PTDSS2: variants seen among roughly 807,000 people sequenced by gnomAD.
The protein encoded by PTDSS2 is PSS-2.
A neutral mutation model predicts 64.7 loss-of-function variants in PTDSS2; 41 were observed. The observed-to-expected ratio is 0.63, with a 90% CI of 0.49 to 0.82. The LOEUF (loss-of-function observed/expected upper bound fraction) is 0.82. Among genes scored for constraint, PTDSS2 ranks in the 40% least tolerant of loss-of-function variants. The probability of loss-of-function intolerance (pLI) is 0.00; values close to 1 mark genes in which losing one functional copy is unlikely to be tolerated. For missense variants in PTDSS2, 485 were observed against 650.0 expected, an observed-to-expected ratio of 0.75 and a Z score of 2.76; for synonymous variants, 297 against 277.8, an observed-to-expected ratio of 1.07 and a Z score of -0.69.
rs1848647031 is a variant in PTDSS2, at chr11:490,798, A to G, written c.*216A>G. 1.2e-5 allele frequency: 7 copies of G among 578,066 alleles called. No homozygotes were observed. The highest frequency in any genetic ancestry group is 4.5e-4 in the Middle Eastern group (1 of 2,216). The allele number at this position is 578,066 out of a possible 1,614,324, so 35.8% of individuals were successfully genotyped here. A position where few individuals can be genotyped will look rare whatever the true frequency, so the allele number is the denominator to read the frequency against. On this transcript the variant is annotated 3_prime_UTR_variant, in exon 12 of 12. Transcript: ENST00000308020. ...TGTGTACGTGTGTATGCGTGTGTGT[A>G]CGCGTGTGTACGCGCGTGTGTACAC...
chr11:460,169 T>C lies in PTDSS2; in HGVS notation c.183-18T>C. 3.1e-6 allele frequency: 5 copies of C among 1,605,686 alleles called. No homozygotes were observed. Among genetic ancestry groups the C allele is most frequent in the Admixed American group, 1.7e-5 (1 of 59,986 alleles). ...TGCCCAAGCTCTGACACCATGCTTA[T>C]GCGTTTTTGGATTTCAGGCGAGCCC... On this transcript the variant is annotated intron_variant, in intron 1 of 11. Transcript: ENST00000308020. This position sits in a 1 kb window ranked among gnomAD's most constrained non-coding sequence, Gnocchi z 5.8.
Position 488,477 on chromosome 11 carries a change from G to T in PTDSS2, c.736-52G>T, listed in dbSNP as rs185697575. On this transcript the variant is annotated intron_variant, in intron 7 of 11. Coordinates refer to ENST00000308020, the MANE Select transcript of PTDSS2 (RefSeq NM_030783.3). ...CCTGTGCTCTTCCGGGGTCCTCCTC[G>T]GGGGGCTCGTTACCCCTCACCCCTG... 4.8e-4 allele frequency: 720 copies of T among 1,504,338 alleles called. 10 individuals carry two copies. In the East Asian group the frequency reaches 0.012, roughly 24 times the overall value. The allele number at this position is 1,504,338 out of a possible 1,614,324, so 93.2% of individuals were successfully genotyped here. A position where few individuals can be genotyped will look rare whatever the true frequency, so the allele number is the denominator to read the frequency against.
rs1362880915 is a variant in PTDSS2, at chr11:476,854, A to G, written c.368-2231A>G. The stretch of plus-strand genomic sequence containing the variant: ...GTTTAGTTTGCTTGGCATAAATTCC[A>G]TATTACTTTGCCAATCTTCGATTTA... On this transcript the variant is annotated intron_variant, in intron 3 of 11. Coordinates refer to ENST00000308020, the MANE Select transcript of PTDSS2 (RefSeq NM_030783.3). This position sits in a 1 kb window ranked among gnomAD's most constrained non-coding sequence, Gnocchi z 4.9. 6.6e-6 allele frequency among the ~76,000 whole-genome samples: 1 copy of G among 152,076 alleles called. No individual in the cohort carries two copies. The highest frequency in any genetic ancestry group is 1.5e-5 in the Non-Finnish European group (1 of 68,008).
intron 2 of PTDSS2, among the ~76,000 whole-genome samples, chr11:469,862 A>T (rs1847338601): frequency 6.6e-6 from 1 of 152,154 alleles, no homozygotes; most frequent in Non-Finnish European, 1.5e-5. Flanking sequence ...GGAGCTCTGT[A>T]AACAAAACCC....
At chr11:487,687 G>T (rs1848456894) in intron 6 of PTDSS2, among the ~76,000 whole-genome samples, 1 of 152,208 alleles carries the variant, frequency 6.6e-6, no homozygotes, top group Non-Finnish European at 1.5e-5. Flanking sequence ...CAGGGTCGGG[G>T]CGGTGGAAAG....
Position 489,609 on chromosome 11 carries a change from A to G in PTDSS2, c.991A>G (p.Thr331Ala). The change falls in exon 10 of 12, where the codon ACG becomes GCG. Residue 331 changes from threonine (T) to alanine (A), a missense_variant. This residue lies in a region of PTDSS2 where 219 missense variants were observed against 257.3 expected (regional missense o/e 0.85). Coordinates refer to ENST00000308020, the MANE Select transcript of PTDSS2 (RefSeq NM_030783.3). Reference protein sequence around the residue: ...ILVFLLAELNTFYLKFVLWMP... With the variant: ...ILVFLLAELNAFYLKFVLWMP... ...CTAGTTCCTGTTGGCAGAACTGAAC[A>G]CGTTCTACCTGAAGTTTGTGCTGTG... 6.3e-7 allele frequency: 1 copy of G among 1,597,208 alleles called. No individual in the cohort carries two copies. The highest frequency in any genetic ancestry group is 8.5e-7 in the Non-Finnish European group (1 of 1,171,770).
chr11:489,324 A>ACAGTCTG (rs1259714145), intron 8 of PTDSS2, 76 bp from the exon 9 acceptor site: 1 of 1,269,862 alleles, frequency 7.9e-7, no homozygotes, highest in East Asian at 2.4e-5. Context: ...GTGACCAGGA[A>ACAGTCTG]CAGTCTGTTG....
intron 2 of PTDSS2, 126 bp from the exon 3 acceptor site, chr11:473,769 C>G: frequency 1.3e-6 from 1 of 767,142 alleles, no homozygotes; most frequent in Non-Finnish European, 2.3e-6. Flanking sequence ...CTGCCCGAGG[C>G]CCCTTCCTCC....
intron 1 of PTDSS2, among the ~76,000 whole-genome samples, chr11:458,217 T>C (rs1186605274): frequency 6.6e-6 from 1 of 152,004 alleles, no homozygotes; most frequent in Non-Finnish European, 1.5e-5. Flanking sequence ...TTTCTTTTTT[T>C]TTTTTGAGAT....
upstream of PTDSS2, among the ~76,000 whole-genome samples, chr11:449,187 C>T (rs529739276): frequency 8.6e-5 from 13 of 152,002 alleles, no homozygotes; most frequent in East Asian, 2.5e-3. Flanking sequence ...CCCACCTCAG[C>T]CTCCCGAGTA....
rs1332550613 is a variant in PTDSS2, at chr11:461,899, C to T, written c.284+1611C>T. On this transcript the variant is annotated intron_variant, in intron 2 of 11. Coordinates refer to ENST00000308020, the MANE Select transcript of PTDSS2 (RefSeq NM_030783.3). This position sits in a 1 kb window ranked among gnomAD's most constrained non-coding sequence, Gnocchi z 4.2. ...GCTCTGGAGGCAGTGAGGCAGTGGG[C>T]AGGAGCCCCGTGTGTGCCTAGAGGG... 3.3e-5 allele frequency among the ~76,000 whole-genome samples: 5 copies of T among 152,308 alleles called. No individual in the cohort carries two copies. In the East Asian group the frequency reaches 9.6e-4, roughly 29 times the overall value.
intron 5 of PTDSS2, 135 bp from the exon 6 acceptor site, chr11:487,285 C>T: frequency 1.0e-6 from 1 of 998,074 alleles, no homozygotes. Flanking sequence ...CTCCACAGGC[C>T]ACGGCAGCAC....
chr11:474,488 C>G (rs1222332025), intron 3 of PTDSS2, among the ~76,000 whole-genome samples: 1 of 151,904 alleles, frequency 6.6e-6, no homozygotes, highest in Non-Finnish European at 1.5e-5. Flanking sequence ...GGTGAGGGCT[C>G]CAGATGGAGC....
chr11:482,840 G>A lies in PTDSS2; in HGVS notation c.435+3688G>A, dbSNP rs543093993. On this transcript the variant is annotated intron_variant, in intron 4 of 11. Transcript: ENST00000308020. ...TGAGTTTTTCGTAGATCTCCCTACC[G>A]AGTGGAGAAGTTTCTGTGAGTTTTT... Among the ~76,000 whole-genome samples the A allele has an allele frequency of 5.8e-4, 83 of 143,430 alleles. 1 individual carries two copies. Among genetic ancestry groups the A allele is most frequent in the African/African-American group, 2.1e-3 (75 of 36,192 alleles). The allele number at this position is 143,430 out of a possible 152,430, so 94.1% of individuals were successfully genotyped here. A position where few individuals can be genotyped will look rare whatever the true frequency, so the allele number is the denominator to read the frequency against.
chr11:486,765 G>A (rs1054591688), intron 4 of PTDSS2, 174 bp from the exon 5 acceptor site: 4 of 385,250 alleles, frequency 1.0e-5, no homozygotes, highest in Non-Finnish European at 1.4e-5. Context: ...GGAGAATGGC[G>A]TGAACCCAGG....
rs1848607003 is a variant in PTDSS2 at position 490,184 on chromosome 11, T to A, written c.1301+116T>A. The A allele has an allele frequency of 3.2e-6, 4 of 1,253,302 alleles. No individual in the cohort carries two copies. In the East Asian group the frequency reaches 9.8e-5, roughly 31 times the overall value. 77.6% of individuals were successfully genotyped at this position (1,253,302 alleles called of 1,614,324 possible). A position where few individuals can be genotyped will look rare whatever the true frequency, so the allele number is the denominator to read the frequency against. On this transcript the variant is annotated intron_variant, in intron 11 of 11. Coordinates refer to ENST00000308020, the MANE Select transcript of PTDSS2 (RefSeq NM_030783.3). ...TCTCACTGTCCCTGCTTCAACCCTCTGGCCGCCTCTGCGGGAGGCGCCTTT... is the reference window on the plus strand; with the variant it reads ...TCTCACTGTCCCTGCTTCAACCCTCAGGCCGCCTCTGCGGGAGGCGCCTTT...
chr11:484,565 C>T (rs545890903), intron 4 of PTDSS2, among the ~76,000 whole-genome samples: 4 of 151,614 alleles, frequency 2.6e-5, no homozygotes, highest in Admixed American at 6.6e-5. Context: ...CGTGTGTGCT[C>T]ACTGCGCAGG....
At position 450,402 on chromosome 11, in the gene PTDSS2, C is replaced by T. The variant is rs1165484894; in HGVS notation, c.-54C>T. 1 of 1,211,416 alleles carries T rather than the reference C, an allele frequency of 8.3e-7. No homozygotes were observed. Among genetic ancestry groups the T allele is most frequent in the Non-Finnish European group, 1.0e-6 (1 of 972,374 alleles). The allele number at this position is 1,211,416 out of a possible 1,614,324, so 75.0% of individuals were successfully genotyped here. A position where few individuals can be genotyped will look rare whatever the true frequency, so the allele number is the denominator to read the frequency against. On this transcript the variant is annotated 5_prime_UTR_variant, in exon 1 of 12. Coordinates refer to ENST00000308020, the MANE Select transcript of PTDSS2 (RefSeq NM_030783.3). ...GTGCGGCGCGTCCTCTCGCCGGTGA[C>T]CCGGTGTGCGTGGGGTCGAGGCGCC...
rs558211669 is a variant in PTDSS2 at position 472,075 on chromosome 11, G to A, written c.285-1820G>A. 1.1e-4 allele frequency among the ~76,000 whole-genome samples: 16 copies of A among 150,492 alleles called. No individual in the cohort carries two copies. In the South Asian group the frequency reaches 2.1e-3, roughly 20 times the overall value. On this transcript the variant is annotated intron_variant, in intron 2 of 11. Coordinates refer to ENST00000308020, the MANE Select transcript of PTDSS2 (RefSeq NM_030783.3). ...GGTGGCCTGGGGTAACGCGGATGGC[G>A]GCCTGGGGTGACACAGATGGTAGCC...
Sources: gnomAD v4.1 joint callset for allele counts (sites outside exome capture counted in the v4.1 genomes callset) on GRCh38, gnomAD v4.1.1 for gene constraint, gnomAD v4.1.1 regional missense constraint, Gnocchi (gnomAD v3.1) non-coding constraint, MANE v1.5 for transcripts, NCBI Gene and HGNC (gene_info 2026-07-23, HGNC 2026-07-21) for gene names.